The following DMD variants were observed in gnomAD, a reference collection of about 807,000 sequenced individuals.
The protein encoded by DMD is dystrophin.
DMD carries 63 observed loss-of-function variants against 330.1 expected under a neutral mutation model. The ratio of observed to expected loss-of-function variants is 0.19; its 90% CI spans 0.16 to 0.24. DMD has a LOEUF of 0.24. Among genes scored for constraint, DMD ranks in the 10% least tolerant of loss-of-function variants. The probability of loss-of-function intolerance (pLI) is 1.00; values close to 1 mark genes in which losing one functional copy is unlikely to be tolerated. For missense variants in DMD, 3,344 were observed against 2,684.1 expected (o/e 1.25, Z -5.43); for synonymous variants, 1,223 against 959.8 (o/e 1.27, Z -5.07).
At chrX:32,837,125 A>G (rs2079719600) in intron 4 of DMD, among the ~76,000 whole-genome samples, 1 of 111,901 alleles carries the variant, frequency 8.9e-6, no homozygotes, top group African/African-American at 3.2e-5. Context: ...CCTAGCCAAC[A>G]TCAGAGTTCT....
chrX:32,577,067 G>C (rs2053141214), intron 13 of DMD, among the ~76,000 whole-genome samples: 1 of 111,762 alleles, frequency 8.9e-6, no homozygotes, highest in South Asian at 3.7e-4. Context: ...CCCATATTTG[G>C]AGATAGAGCC....
intron 62 of DMD, among the ~76,000 whole-genome samples, chrX:31,303,601 A>T (rs752181995): frequency 9.0e-6 from 1 of 111,252 alleles, no homozygotes; most frequent in Non-Finnish European, 1.9e-5. Flanking sequence ...CCATATCCAA[A>T]CTATCATCAT....
intron 59 of DMD, among the ~76,000 whole-genome samples, chrX:31,451,165 C>T (rs2065698095): frequency 1.0e-5 from 1 of 96,283 alleles, no homozygotes; most frequent in Non-Finnish European, 2.1e-5. Context: ...TCTTTCTTTC[C>T]TTTTTTTATA....
intron 41 of DMD, among the ~76,000 whole-genome samples, chrX:32,310,824 G>A (rs1456270313): frequency 2.7e-5 from 3 of 110,874 alleles, no homozygotes; most frequent in East Asian, 5.8e-4. Context: ...ATTAGCTCCT[G>A]TTTTTGTTGC....
At chrX:32,470,213 C>A (rs1178110561) in intron 22 of DMD, among the ~76,000 whole-genome samples, 1 of 110,488 alleles carries the variant, frequency 9.1e-6, no homozygotes, top group Non-Finnish European at 1.9e-5. Flanking sequence ...ATACCTTACT[C>A]AAGACTTTCT....
intron 34 of DMD, among the ~76,000 whole-genome samples, chrX:32,373,994 A>G (rs1370247276): frequency 8.9e-6 from 1 of 112,123 alleles, no homozygotes; most frequent in East Asian, 2.8e-4. Context: ...AACAAAAGCC[A>G]TTCAGACTGG....
rs762908143 is a variant in DMD at position 32,142,594 on chromosome X, T to A, written c.6438+74322A>T. On this transcript the variant is annotated intron_variant, in intron 44 of 78. Coordinates refer to ENST00000357033, the MANE Select transcript of DMD (RefSeq NM_004006.3). ...CCATGATAATATGGAACCATTCCTATCCTTCTCTGCACAAAGGAGGAGAAA... is the reference window on the plus strand; with the variant it reads ...CCATGATAATATGGAACCATTCCTAACCTTCTCTGCACAAAGGAGGAGAAA... Among the ~76,000 whole-genome samples the A allele has an allele frequency of 6.2e-5, 7 of 112,510 alleles. No individual in the cohort carries two copies. In the South Asian group the frequency reaches 2.6e-3, roughly 41 times the overall value.
intron 1 of DMD, among the ~76,000 whole-genome samples, chrX:33,259,961 C>T (rs1298933316): frequency 9.0e-6 from 1 of 110,705 alleles, no homozygotes; most frequent in African/African-American, 3.3e-5. Flanking sequence ...TTCATTCATT[C>T]ACTCACCTAT....
intron 57 of DMD, among the ~76,000 whole-genome samples, chrX:31,487,200 C>T (rs746090229): frequency 8.9e-6 from 1 of 111,766 alleles, no homozygotes; most frequent in East Asian, 2.8e-4. Flanking sequence ...AAAGAAAAGG[C>T]CATAATCATC....
chrX:31,379,128 C>A (rs914405281), intron 60 of DMD, among the ~76,000 whole-genome samples: 3 of 110,053 alleles, frequency 2.7e-5, no homozygotes, highest in Admixed American at 9.8e-5. Flanking sequence ...CCCCAAGCAT[C>A]GCTCAGTCTT....
chrX:31,641,456 C>T (rs2054130431), intron 54 of DMD, among the ~76,000 whole-genome samples: 1 of 102,023 alleles, frequency 9.8e-6, no homozygotes, highest in African/African-American at 3.7e-5. Context: ...GAGCCAAGAT[C>T]GCACCACTGC....
In DMD at chrX:33,272,915, A is replaced by T. The variant is rs764840592; in HGVS notation, c.7+66344T>A. Among the ~76,000 whole-genome samples the T allele has an allele frequency of 2.6e-4, 29 of 111,958 alleles. No homozygotes were observed. The East Asian group carries it at 4.8e-3, about 18-fold the overall frequency. The stretch of plus-strand genomic sequence containing the variant: ...TATTGACAAATCCTAAAATAATTTA[A>T]AAAAAAACAGTGGATTTTAATCACC... On this transcript the variant is annotated intron_variant, in intron 1 of 17. Coordinates refer to the DMD transcript ENST00000288447.
rs183779805 is a variant in DMD, at chrX:31,238,120, G to T, written c.9287-14999C>A. The stretch of plus-strand genomic sequence containing the variant: ...GAAGATTCAATCCAAGAATCGGGCA[G>T]ACTCTGAGTTCCTCTGCCCACCTCA... On this transcript the variant is annotated intron_variant, in intron 63 of 78. Transcript: ENST00000357033. 3.3e-3 allele frequency among the ~76,000 whole-genome samples: 365 copies of T among 111,950 alleles called. 1 individual carries two copies. The highest frequency in any genetic ancestry group is 0.011 in the African/African-American group (341 of 30,834).
intron 50 of DMD, among the ~76,000 whole-genome samples, chrX:31,793,284 G>A (rs1229825056): frequency 4.5e-5 from 5 of 110,626 alleles, no homozygotes; most frequent in Admixed American, 3.8e-4. Context: ...TTTGAGCTGC[G>A]GTTTCAGGCT....
At chrX:31,262,692 T>C in intron 62 of DMD, among the ~76,000 whole-genome samples, 1 of 112,481 alleles carries the variant, frequency 8.9e-6, no homozygotes. Flanking sequence ...ATTCAAGTCT[T>C]AAAGAGCAAG....
At chrX:32,725,783 G>C (rs371854237) in intron 7 of DMD, among the ~76,000 whole-genome samples, 1 of 110,819 alleles carries the variant, frequency 9.0e-6, no homozygotes, top group East Asian at 2.8e-4. Flanking sequence ...AGCACAGCAA[G>C]GTGACTATAC....
chrX:32,884,509 AATTTT>A (rs1472203762), intron 2 of DMD, among the ~76,000 whole-genome samples: 1 of 111,771 alleles, frequency 8.9e-6, no homozygotes, highest in Non-Finnish European at 1.9e-5. Flanking sequence ...CAATATTTTG[AATTTT>A]ATTTTTTAAA....
chrX:31,400,516 A>G (rs1331020276), intron 60 of DMD, among the ~76,000 whole-genome samples: 1 of 111,700 alleles, frequency 9.0e-6, no homozygotes, highest in Non-Finnish European at 1.9e-5. Context: ...TTGGCAAAAT[A>G]AACTTCCTAA....
intron 30 of DMD, among the ~76,000 whole-genome samples, chrX:32,392,746 G>C (rs2098012979): frequency 8.9e-6 from 1 of 112,505 alleles, no homozygotes; most frequent in Non-Finnish European, 1.9e-5. Flanking sequence ...TAAGTGGCCT[G>C]GCAGCTTCCA....
Sources: allele counts gnomAD v4.1 joint callset (sites outside exome capture counted in the v4.1 genomes callset), GRCh38; gene constraint gnomAD v4.1.1; transcripts MANE v1.5; gene names NCBI Gene and HGNC (gene_info 2026-07-23, HGNC 2026-07-21).